CDH13: variants seen among roughly 807,000 people sequenced by gnomAD.
CDH13 encodes cadherin 13.
CDH13 carries 24 observed loss-of-function variants against 63.8 expected under a neutral mutation model. The ratio of observed to expected loss-of-function variants is 0.38; its 90% CI spans 0.27 to 0.53. CDH13 has a LOEUF of 0.53. Ranked by LOEUF, CDH13 falls within the 20% of genes least tolerant of loss-of-function variation. CDH13 has a pLI of 0.85. For synonymous variants in CDH13, 503 were observed against 355.3 expected (o/e 1.42, Z -4.67); for missense variants, 1,049 against 903.1 (o/e 1.16, Z -2.07).
intron 2 of CDH13, among the ~76,000 whole-genome samples, chr16:82,888,380 T>G (rs1291660201): frequency 6.6e-6 from 1 of 152,168 alleles, no homozygotes; most frequent in African/African-American, 2.4e-5. Context: ...GTCATCAAGT[T>G]CTTCTTCTCT....
At position 83,238,968 on chromosome 16, in the gene CDH13, C is replaced by T. The variant is rs114311319; in HGVS notation, c.636+21471C>T. On this transcript the variant is annotated intron_variant, in intron 5 of 13. Transcript: ENST00000567109. ...GTTTTTAATGAAAATTTTGTCCTGA[C>T]GAGAGATAAGTCAAAGTCAGGCATT... Among the ~76,000 whole-genome samples, 467 of 152,218 alleles carry T rather than the reference C, an allele frequency of 3.1e-3. 1 individual carries two copies. Among genetic ancestry groups the T allele is most frequent in the African/African-American group, 0.011 (441 of 41,546 alleles).
chr16:82,673,004 T>TC (rs199739407), intron 1 of CDH13, among the ~76,000 whole-genome samples: 7,874 of 123,672 alleles, frequency 0.064, 462 homozygotes, highest in Middle Eastern at 0.17. Context: ...GTTTTCTTTT[T>TC]TTTTTTTTTT....
intron 3 of CDH13, among the ~76,000 whole-genome samples, chr16:83,055,263 G>C (rs868087085): frequency 1.3e-5 from 2 of 150,946 alleles, no homozygotes; most frequent in African/African-American, 2.4e-5. Flanking sequence ...TGGAGGGAAG[G>C]AAATAACAAA....
At chr16:83,323,713 C>G (rs1366433413) in intron 5 of CDH13, among the ~76,000 whole-genome samples, 1 of 152,212 alleles carries the variant, frequency 6.6e-6, no homozygotes, top group African/African-American at 2.4e-5. Context: ...CACCACTATT[C>G]CATACAAAAA....
At chr16:82,639,059 G>T (rs1284506214) in intron 1 of CDH13, among the ~76,000 whole-genome samples, 1 of 152,178 alleles carries the variant, frequency 6.6e-6, no homozygotes. Context: ...TGGGACCAGG[G>T]TTTGGACCCA....
At chr16:82,797,657 A>G (rs78010522) in intron 1 of CDH13, among the ~76,000 whole-genome samples, 7,280 of 152,186 alleles carry the variant, frequency 0.048, 265 homozygotes, top group Non-Finnish European at 0.075. Context: ...GGAAAAAAAA[A>G]TTTAGATTCA....
chr16:82,806,974 A>G (rs2037176228), intron 1 of CDH13, among the ~76,000 whole-genome samples: 1 of 152,132 alleles, frequency 6.6e-6, no homozygotes, highest in South Asian at 2.1e-4. Context: ...CAAGACAACT[A>G]TGGGTAGCAA....
intron 2 of CDH13, among the ~76,000 whole-genome samples, chr16:82,890,869 C>G (rs899861654): frequency 6.6e-6 from 1 of 151,956 alleles, no homozygotes; most frequent in Non-Finnish European, 1.5e-5. Flanking sequence ...CCAGGCTGGT[C>G]TTGAACTCCT....
chr16:83,373,118 A>G (rs2091401980), intron 6 of CDH13, among the ~76,000 whole-genome samples: 1 of 152,224 alleles, frequency 6.6e-6, no homozygotes, highest in African/African-American at 2.4e-5. Context: ...ATATTTGGGT[A>G]TTTCCATAAT....
At chr16:83,665,172 GA>G (rs58451303) in intron 8 of CDH13, among the ~76,000 whole-genome samples, 35,861 of 146,306 alleles carry the variant, frequency 0.25, 4,992 homozygotes, top group African/African-American at 0.38. Context: ...ATACATAACT[GA>G]AAAAAAAAAG....
At chr16:83,017,794 G>T (rs1374071132) in intron 2 of CDH13, among the ~76,000 whole-genome samples, 1 of 152,126 alleles carries the variant, frequency 6.6e-6, no homozygotes, top group African/African-American at 2.4e-5. Flanking sequence ...GAACCAACAC[G>T]CTTTGATGCC....
chr16:82,705,667 C>G (rs932556168), intron 1 of CDH13, among the ~76,000 whole-genome samples: 33 of 152,052 alleles, frequency 2.2e-4, no homozygotes, highest in Admixed American at 2.0e-3. Context: ...GTATTTCATT[C>G]AAAACTAGTC....
At chr16:82,710,050 C>T (rs1481546202) in intron 1 of CDH13, among the ~76,000 whole-genome samples, 1 of 150,110 alleles carries the variant, frequency 6.7e-6, no homozygotes, top group Non-Finnish European at 1.5e-5. Context: ...AGTATGCATA[C>T]ACACACACAC....
At chr16:83,101,002 A>G (rs141394841) in intron 3 of CDH13, among the ~76,000 whole-genome samples, 3 of 152,332 alleles carry the variant, frequency 2.0e-5, no homozygotes, top group Admixed American at 6.5e-5. Context: ...TATATGATTC[A>G]GATCCTTTAT....
chr16:83,715,673 CA>C (rs140708724), intron 10 of CDH13, among the ~76,000 whole-genome samples: 18,562 of 152,204 alleles, frequency 0.12, 1,269 homozygotes, highest in Middle Eastern at 0.2. Context: ...GCGGGTCCCT[CA>C]GGGGAGCCCT....
chr16:83,349,422 C>T (rs1220419992), intron 6 of CDH13, among the ~76,000 whole-genome samples: 1 of 152,042 alleles, frequency 6.6e-6, no homozygotes, highest in Non-Finnish European at 1.5e-5. Context: ...TTCCTGGGCA[C>T]CTTTGAGAAT....
At chr16:83,342,843 G>GTTTTTTTTTTTTTTTTTTTTTTTTT (rs778316746) in intron 5 of CDH13, among the ~76,000 whole-genome samples, 11 of 65,316 alleles carry the variant, frequency 1.7e-4, no homozygotes, top group East Asian at 5.1e-4. Flanking sequence ...TTTTGTTTCT[G>GTTTTTTTTTTTTTTTTTTTTTTTTT]TTTTTTTTTT....
intron 3 of CDH13, among the ~76,000 whole-genome samples, chr16:83,033,700 G>T (rs190485996): frequency 2.2e-3 from 333 of 152,204 alleles, no homozygotes; most frequent in Non-Finnish European, 2.4e-3. Flanking sequence ...TGCCATTCAG[G>T]CTTCCCGATT....
At chr16:83,050,026 C>A (rs1268360833) in intron 3 of CDH13, among the ~76,000 whole-genome samples, 1 of 152,128 alleles carries the variant, frequency 6.6e-6, no homozygotes, top group Non-Finnish European at 1.5e-5. Context: ...GCAAGATTTA[C>A]AAATTACATA....
Sources: gnomAD v4.1 joint callset for allele counts (sites outside exome capture counted in the v4.1 genomes callset) on GRCh38, gnomAD v4.1.1 for gene constraint, MANE v1.5 for transcripts, NCBI Gene and HGNC (gene_info 2026-07-23, HGNC 2026-07-21) for gene names.